BEND3: variants seen among roughly 807,000 people sequenced by gnomAD.
BEND3 encodes BEN domain-containing protein 3.
A neutral mutation model predicts 60.1 loss-of-function variants in BEND3; 13 were observed. That is an observed-to-expected ratio of 0.22 (90% CI 0.14 to 0.34). The LOEUF is 0.34. Among genes scored for constraint, BEND3 ranks in the 10% least tolerant of loss-of-function variants. The probability of loss-of-function intolerance (pLI) is 1.00; values close to 1 mark genes in which losing one functional copy is unlikely to be tolerated. For synonymous variants in BEND3, 497 were observed against 491.5 expected (o/e 1.01, Z -0.15); for missense variants, 896 against 1,138.1 (o/e 0.79, Z 3.06).
intron 3 of BEND3, among the ~76,000 whole-genome samples, chr6:107,072,830 C>CA (rs1554232248): frequency 1.3e-5 from 2 of 151,664 alleles, no homozygotes; most frequent in East Asian, 1.9e-4. Flanking sequence ...TAAAAAAATA[C>CA]AAAAAAAATT....
chr6:107,104,793 C>CA (rs1407475999), intron 1 of BEND3, among the ~76,000 whole-genome samples: 1 of 151,862 alleles, frequency 6.6e-6, no homozygotes, highest in African/African-American at 2.4e-5. Context: ...CTCAGCCTCC[C>CA]AAGCAGCTGG....
In BEND3 at chr6:107,069,733, G is replaced by C. The variant is rs1554231583; in HGVS notation, c.1458C>G (p.Asp486Glu). 6.2e-7 allele frequency: 1 copy of C among 1,611,600 alleles called. No homozygotes were observed. The highest frequency in any genetic ancestry group is 8.5e-7 in the Non-Finnish European group (1 of 1,179,996). ...GCGGGGGGTCGCCTTCACTGCCCGC[G>C]TCCAGCCCCAGGCCCTCGAGCTCGT... ...INDELEGLGL[D>E]AGSEGDPPRD... The change falls in exon 4 of 4, where the codon GAC becomes GAG. Residue 486 changes from aspartate to glutamate, a missense_variant. Around this residue, in one of 4 missense-constraint regions of BEND3, gnomAD observed 846 missense variants for 1,036.7 expected, o/e 0.82. Transcript: ENST00000369042.
intron 3 of BEND3, among the ~76,000 whole-genome samples, chr6:107,074,478 A>G (rs1368951732): frequency 6.6e-6 from 1 of 152,146 alleles, no homozygotes; most frequent in Non-Finnish European, 1.5e-5. Flanking sequence ...GCTATTCCCA[A>G]GCCATGGCAG....
intron 3 of BEND3, among the ~76,000 whole-genome samples, chr6:107,071,707 A>T (rs1774985916): frequency 6.6e-6 from 1 of 152,218 alleles, no homozygotes; most frequent in Non-Finnish European, 1.5e-5. Context: ...CAGCAATAAG[A>T]TATTATTGAT....
At chr6:107,073,201 G>GTATATATATATA (rs782669876) in intron 3 of BEND3, among the ~76,000 whole-genome samples, 3 of 22,642 alleles carry the variant, frequency 1.3e-4, no homozygotes, top group East Asian at 8.9e-4. Flanking sequence ...GTATGTGTAT[G>GTATATATATATA]TATATATATA....
intron 3 of BEND3, among the ~76,000 whole-genome samples, chr6:107,082,313 G>C (rs1042995674): frequency 3.3e-5 from 5 of 152,182 alleles, no homozygotes; most frequent in Non-Finnish European, 5.9e-5. Context: ...CTCATTCCAG[G>C]TGAGGACCCA....
At chr6:107,113,655 G>T (rs1238332933) in intron 1 of BEND3, among the ~76,000 whole-genome samples, 1 of 152,092 alleles carries the variant, frequency 6.6e-6, no homozygotes, top group Non-Finnish European at 1.5e-5. Flanking sequence ...GGCTGGGGAT[G>T]TGAAACTGTG....
At chr6:107,114,242 G>A (rs997905652) in intron 1 of BEND3, 1 of 152,352 alleles carries the variant, frequency 6.6e-6, no homozygotes, top group Non-Finnish European at 1.5e-5. Flanking sequence ...TCATAGAGAA[G>A]GAAAGGAGCG....
intron 1 of BEND3, among the ~76,000 whole-genome samples, chr6:107,107,424 CTTTTT>C (rs34112086): frequency 6.8e-6 from 1 of 147,038 alleles, no homozygotes; most frequent in South Asian, 2.1e-4. Flanking sequence ...TATAAAGCTT[CTTTTT>C]TTTTTTTTAA....
chr6:107,107,772 T>C (rs1478102573), intron 1 of BEND3, among the ~76,000 whole-genome samples: 1 of 152,258 alleles, frequency 6.6e-6, no homozygotes, highest in Non-Finnish European at 1.5e-5. Flanking sequence ...TAAAGTACAT[T>C]TTAATAGTGA....
intron 1 of BEND3, among the ~76,000 whole-genome samples, chr6:107,105,168 G>A (rs1554237233): frequency 6.6e-6 from 1 of 151,894 alleles, no homozygotes; most frequent in Admixed American, 6.6e-5. Flanking sequence ...GTCAAGAGAT[G>A]GAGCCCATCC....
chr6:107,078,976 C>T (rs558297778), intron 3 of BEND3, among the ~76,000 whole-genome samples: 10 of 152,150 alleles, frequency 6.6e-5, no homozygotes, highest in South Asian at 4.1e-4. Context: ...TGGCCTGCCA[C>T]GCCCCCATTT....
rs1166302898 is a variant in BEND3 at position 107,065,693 on chromosome 6, G to A, written c.*3011C>T. 2.0e-5 allele frequency: 3 copies of A among 152,216 alleles called. No individual in the cohort carries two copies. Among genetic ancestry groups the A allele is most frequent in the African/African-American group, 7.2e-5 (3 of 41,448 alleles). 9.4% of individuals were successfully genotyped at this position (152,216 alleles called of 1,614,324 possible). Reference sequence around the variant, plus strand: ...ATGAACCCAGTGGTCATGCTGTGGTGTGGTCAGACCAGCAACTTTTACCAA... The same window carrying A: ...ATGAACCCAGTGGTCATGCTGTGGTATGGTCAGACCAGCAACTTTTACCAA... On this transcript the variant is annotated 3_prime_UTR_variant, in exon 4 of 4. Transcript: ENST00000369042.
intron 3 of BEND3, among the ~76,000 whole-genome samples, chr6:107,083,478 A>G (rs1015339777): frequency 6.6e-6 from 1 of 151,902 alleles, no homozygotes; most frequent in Non-Finnish European, 1.5e-5. Flanking sequence ...AACAACCCCC[A>G]AAAACAAAAT....
chr6:107,108,233 G>A (rs1582674505), intron 1 of BEND3, among the ~76,000 whole-genome samples: 2 of 152,250 alleles, frequency 1.3e-5, no homozygotes, highest in Non-Finnish European at 1.5e-5. Flanking sequence ...CCCTGCCCGC[G>A]CGCCTGTGAT....
At chr6:107,104,119 C>CT (rs1554237066) in intron 1 of BEND3, among the ~76,000 whole-genome samples, 1 of 150,926 alleles carries the variant, frequency 6.6e-6, no homozygotes, top group Non-Finnish European at 1.5e-5. Context: ...CCCATCTCTA[C>CT]TAAAAAAAAT....
chr6:107,087,579 A>C (rs1345722198), intron 3 of BEND3, among the ~76,000 whole-genome samples: 1 of 151,836 alleles, frequency 6.6e-6, no homozygotes, highest in Non-Finnish European at 1.5e-5. Flanking sequence ...TCTACTAAAC[A>C]TACAAAAATC....
chr6:107,069,626 G>A lies in BEND3; in HGVS notation c.1565C>T (p.Pro522Leu), dbSNP rs1246161386. 13 of 1,611,160 alleles carry A rather than the reference G, an allele frequency of 8.1e-6. No individual in the cohort carries two copies. The highest frequency in any genetic ancestry group is 6.7e-5 in the Admixed American group (4 of 60,020). The stretch of plus-strand genomic sequence containing the variant: ...CCAGATCTTCTTGGAGCGGCGACCC[G>A]GCCGCTCGCCCTCGAAGCTGTCCTC... ...KVEDSFEGER[P>L]GRRSKKIWLV... Residue 522 changes from proline to leucine, a missense_variant, in exon 4 of 4, where the codon CCG (proline) becomes CTG (leucine). Transcript: ENST00000369042.
chr6:107,087,350 C>A (rs1246368549), intron 3 of BEND3, among the ~76,000 whole-genome samples: 1 of 151,808 alleles, frequency 6.6e-6, no homozygotes, highest in Non-Finnish European at 1.5e-5. Flanking sequence ...AACGACAAGG[C>A]GTACTAAGAC....
Sources: allele counts gnomAD v4.1 joint callset (sites outside exome capture counted in the v4.1 genomes callset), GRCh38; gene constraint gnomAD v4.1.1; regional missense constraint gnomAD v4.1.1; transcripts MANE v1.5; gene names NCBI Gene and HGNC (gene_info 2026-07-23, HGNC 2026-07-21).